Variants in TSGA10 observed in about 807,000 individuals in gnomAD.
TSGA10 encodes testis specific 10.
Under a neutral mutation model 96.6 loss-of-function variants are expected in TSGA10, and 43 were observed. That is an observed-to-expected ratio of 0.44 (90% confidence interval 0.35 to 0.57). The LOEUF (loss-of-function observed/expected upper bound fraction) is 0.57. Among genes scored for constraint, TSGA10 ranks in the 20% least tolerant of loss-of-function variants. TSGA10 has a pLI of 0.01. For missense variants in TSGA10, 703 were observed against 834.4 expected (o/e 0.84, Z 1.94); for synonymous variants, 229 against 269.9 (o/e 0.85, Z 1.48).
At chr2:99,134,955 T>C (rs1222351058) in intron 1 of TSGA10, among the ~76,000 whole-genome samples, 3 of 152,206 alleles carry the variant, frequency 2.0e-5, no homozygotes, top group Non-Finnish European at 4.4e-5. Context: ...TGCCTGTTTC[T>C]TCCTCTGAAA....
At chr2:99,001,881 T>C (rs1347342713) in intron 20 of TSGA10, among the ~76,000 whole-genome samples, 2 of 152,090 alleles carry the variant, frequency 1.3e-5, no homozygotes, top group East Asian at 3.9e-4. Flanking sequence ...GAAGAAAAGG[T>C]ATCAGTGATT....
chr2:99,033,989 CAA>C (rs2081372467), intron 17 of TSGA10, among the ~76,000 whole-genome samples: 1 of 152,112 alleles, frequency 6.6e-6, no homozygotes, highest in Non-Finnish European at 1.5e-5. Flanking sequence ...GCTCAGCTTT[CAA>C]AAGAGTTTGA....
intron 10 of TSGA10, among the ~76,000 whole-genome samples, chr2:99,101,523 T>A (rs2090729306): frequency 6.6e-6 from 1 of 151,570 alleles, no homozygotes; most frequent in Non-Finnish European, 1.5e-5. Context: ...TAGAAAAAAA[T>A]AATTTGTAAA....
intron 16 of TSGA10, among the ~76,000 whole-genome samples, chr2:99,039,870 A>T (rs1270693094): frequency 6.6e-6 from 1 of 152,218 alleles, no homozygotes; most frequent in Non-Finnish European, 1.5e-5. Flanking sequence ...AAAAATCCTC[A>T]ATAAAATACT....
chr2:99,028,030 G>A (rs929781739), intron 17 of TSGA10, among the ~76,000 whole-genome samples: 2 of 152,116 alleles, frequency 1.3e-5, no homozygotes, highest in African/African-American at 4.8e-5. Flanking sequence ...CTCAGGGTAT[G>A]CACATAGTTA....
chr2:99,011,759 T>C (rs1480155375), intron 20 of TSGA10, among the ~76,000 whole-genome samples: 1 of 151,830 alleles, frequency 6.6e-6, no homozygotes, highest in Non-Finnish European at 1.5e-5. Flanking sequence ...AGAAAACAAA[T>C]GGGGTAAAAT....
Position 99,020,374 on chromosome 2 carries a change from G to A in TSGA10, c.1723C>T (p.Arg575Ter), listed in dbSNP as rs1250146112. 3 of 1,613,428 alleles carry A rather than the reference G, an allele frequency of 1.9e-6. No individual in the cohort carries two copies. The highest frequency in any genetic ancestry group is 1.3e-5 in the African/African-American group (1 of 74,802). Residue 575 changes from arginine (R) to a stop codon, truncating the protein, a stop_gained, in exon 18 of 21, where the codon CGA (arginine) becomes TGA (stop). Coordinates refer to ENST00000393483, the MANE Select transcript of TSGA10 (RefSeq NM_025244.4). LOFTEE classifies it high-confidence loss of function. ...ATCTGAGACTGATATTCTTTGTCTCGATTGGCCACCAGCAAAGCTTCTAGA... is the reference window on the plus strand; with the variant it reads ...ATCTGAGACTGATATTCTTTGTCTCAATTGGCCACCAGCAAAGCTTCTAGA... ...QNLEALLVANRDKEYQSQIAL... is the reference protein window; with the variant it reads ...QNLEALLVAN
At chr2:99,135,960 G>T (rs1006722233) in intron 1 of TSGA10, among the ~76,000 whole-genome samples, 1 of 139,626 alleles carries the variant, frequency 7.2e-6, no homozygotes, top group Non-Finnish European at 1.5e-5. Flanking sequence ...AGTGAGCCAA[G>T]ATTGCACCAT....
intron 10 of TSGA10, among the ~76,000 whole-genome samples, chr2:99,086,654 T>G (rs2088434169): frequency 2.0e-5 from 3 of 152,214 alleles, no homozygotes; most frequent in African/African-American, 7.2e-5. Context: ...AAGGCTGAAT[T>G]GCTTTCCTTC....
intron 1 of TSGA10, chr2:99,147,119 C>T (rs2093640258): frequency 4.4e-6 from 1 of 226,060 alleles, no homozygotes; most frequent in Admixed American, 5.3e-5. Context: ...TGTACCTGTA[C>T]AAGGTTATTT....
At chr2:99,070,044 G>A (rs1047471832) in intron 14 of TSGA10, among the ~76,000 whole-genome samples, 1 of 152,200 alleles carries the variant, frequency 6.6e-6, no homozygotes, top group East Asian at 1.9e-4. Flanking sequence ...GGTCCACAGA[G>A]AGAGACCTCT....
At chr2:99,150,262 G>T (rs914149144) in intron 1 of TSGA10, among the ~76,000 whole-genome samples, 2 of 152,166 alleles carry the variant, frequency 1.3e-5, no homozygotes, top group African/African-American at 4.8e-5. Context: ...TCTGAAAGGT[G>T]ATAAAACATA....
At chr2:99,102,137 G>T (rs556004630) in intron 10 of TSGA10, 509 of 1,470,424 alleles carry the variant, frequency 3.5e-4, no homozygotes, top group Non-Finnish European at 4.7e-4. Context: ...GTTACAAATC[G>T]ATCATGGAGC....
At chr2:98,999,790 C>T (rs1029455288) in intron 20 of TSGA10, among the ~76,000 whole-genome samples, 3 of 152,022 alleles carry the variant, frequency 2.0e-5, no homozygotes, top group African/African-American at 7.2e-5. Context: ...ATTCTGTTGC[C>T]CAGGCTAGAA....
chr2:99,029,157 T>C (rs138884127), intron 17 of TSGA10, among the ~76,000 whole-genome samples: 20 of 152,320 alleles, frequency 1.3e-4, no homozygotes, highest in African/African-American at 4.6e-4. Flanking sequence ...AGGTGATGAC[T>C]ACATTTTTAA....
rs549884168 is a variant in TSGA10 at position 99,127,043 on chromosome 2, G to C, written c.-492+5C>G. 8.5e-6 allele frequency: 11 copies of C among 1,287,496 alleles called. No homozygotes were observed. The African/African-American group carries it at 1.5e-4, about 18-fold the overall frequency. The allele number at this position is 1,287,496 out of a possible 1,614,324, so 79.8% of individuals were successfully genotyped here. A position where few individuals can be genotyped will look rare whatever the true frequency, so the allele number is the denominator to read the frequency against. Reference sequence around the variant, plus strand: ...TCAGGAAAATATGTTGTAACTAAACGCAACCTGTAATTTCAGTGTCGAGAT... The same window carrying C: ...TCAGGAAAATATGTTGTAACTAAACCCAACCTGTAATTTCAGTGTCGAGAT... On this transcript the variant is annotated splice_donor_5th_base_variant and intron_variant, in intron 2 of 20. Coordinates refer to ENST00000393483, the MANE Select transcript of TSGA10 (RefSeq NM_025244.4).
At chr2:99,050,199 A>G (rs527549940) in intron 16 of TSGA10, among the ~76,000 whole-genome samples, 1 of 152,298 alleles carries the variant, frequency 6.6e-6, no homozygotes, top group African/African-American at 2.4e-5. Flanking sequence ...CTATAAATAT[A>G]TAGTTGCCCT....
chr2:99,108,334 T>A (rs981587790), intron 7 of TSGA10, among the ~76,000 whole-genome samples: 5 of 152,088 alleles, frequency 3.3e-5, no homozygotes, highest in African/African-American at 1.2e-4. Flanking sequence ...GTTATATGGG[T>A]GATTTATAGG....
chr2:99,038,953 A>G (rs550174348), intron 16 of TSGA10, among the ~76,000 whole-genome samples: 2 of 152,244 alleles, frequency 1.3e-5, no homozygotes, highest in Non-Finnish European at 2.9e-5. Context: ...TCAAACCACA[A>G]TGGAATAAAA....
Sources: gnomAD v4.1 joint callset for allele counts (sites outside exome capture counted in the v4.1 genomes callset) on GRCh38, gnomAD v4.1.1 for gene constraint, MANE v1.5 for transcripts, NCBI Gene and HGNC (gene_info 2026-07-23, HGNC 2026-07-21) for gene names.